The following CDKAL1 variants were observed in gnomAD, a reference collection of about 807,000 sequenced individuals.
CDKAL1 encodes the protein threonylcarbamoyladenosine tRNA methylthiotransferase.
Under a neutral mutation model 68.2 loss-of-function variants are expected in CDKAL1, and 32 were observed. The observed-to-expected ratio is 0.47, with a 90% CI of 0.35 to 0.63. The LOEUF (loss-of-function observed/expected upper bound fraction) is 0.63, where lower values mean the gene tolerates loss of function less well. CDKAL1 is among the 30% of genes least tolerant of loss of function. The pLI is 0.00. For missense variants in CDKAL1, 606 were observed against 696.7 expected, an observed-to-expected ratio of 0.87 and a Z score of 1.47; for synonymous variants, 234 against 244.3, an observed-to-expected ratio of 0.96 and a Z score of 0.39.
intron 11 of CDKAL1, among the ~76,000 whole-genome samples, chr6:21,028,349 C>T (rs756620124): frequency 2.6e-4 from 39 of 152,152 alleles, no homozygotes; most frequent in Admixed American, 6.6e-5. Context: ...AGTCTGCTCA[C>T]GCTACCATAA....
rs532726484 is a variant in CDKAL1 at position 20,962,687 on chromosome 6, A to G, written c.909+7102A>G. On this transcript the variant is annotated intron_variant, in intron 10 of 15. Coordinates refer to ENST00000274695, the MANE Select transcript of CDKAL1 (RefSeq NM_017774.3). ...AACATTTCTTTTCCTTAGGGTTTAT[A>G]CTTTCTGGAATAATAGAATAATATG... is the stretch of plus-strand genomic sequence containing the variant. Among the ~76,000 whole-genome samples the G allele has an allele frequency of 1.1e-4, 16 of 152,254 alleles. No individual in the cohort carries two copies. The South Asian group carries it at 3.3e-3, about 32-fold the overall frequency.
intron 8 of CDKAL1, among the ~76,000 whole-genome samples, chr6:20,793,252 A>G (rs1775972296): frequency 6.6e-6 from 1 of 152,110 alleles, no homozygotes; most frequent in African/African-American, 2.4e-5. Context: ...TCTCATTCTT[A>G]TTTCTACTAT....
At chr6:20,895,044 T>G (rs1234857504) in intron 9 of CDKAL1, among the ~76,000 whole-genome samples, 3 of 152,240 alleles carry the variant, frequency 2.0e-5, no homozygotes, top group African/African-American at 7.2e-5. Context: ...AAGTAACTGC[T>G]GCCGTGAATC....
At chr6:20,722,144 T>G (rs1194381118) in intron 5 of CDKAL1, among the ~76,000 whole-genome samples, 4 of 152,174 alleles carry the variant, frequency 2.6e-5, no homozygotes, top group African/African-American at 9.7e-5. Flanking sequence ...GGACTCAAAT[T>G]ATCATTTTTC....
intron 4 of CDKAL1, among the ~76,000 whole-genome samples, chr6:20,566,241 C>T (rs1000583187): frequency 6.6e-6 from 1 of 152,126 alleles, no homozygotes; most frequent in African/African-American, 2.4e-5. Flanking sequence ...CAGATTTTGC[C>T]TGGTTCCTTT....
At chr6:21,097,311 A>G (rs1773365416) in intron 12 of CDKAL1, among the ~76,000 whole-genome samples, 1 of 152,170 alleles carries the variant, frequency 6.6e-6, no homozygotes, top group Non-Finnish European at 1.5e-5. Flanking sequence ...CTCTACTAAA[A>G]ATACAAAAAT....
intron 9 of CDKAL1, among the ~76,000 whole-genome samples, chr6:20,892,878 A>T (rs2150581637): frequency 6.6e-6 from 1 of 152,350 alleles, no homozygotes; most frequent in African/African-American, 2.4e-5. Context: ...TGAATGAATT[A>T]AACTGAGGCA....
intron 5 of CDKAL1, among the ~76,000 whole-genome samples, chr6:20,700,073 C>T (rs1771273190): frequency 1.3e-5 from 2 of 151,318 alleles, no homozygotes; most frequent in Non-Finnish European, 2.9e-5. Context: ...TTTTTTAACA[C>T]CTCATGAGTA....
At chr6:21,131,671 C>T (rs1050523037) in intron 13 of CDKAL1, among the ~76,000 whole-genome samples, 2 of 152,094 alleles carry the variant, frequency 1.3e-5, no homozygotes, top group African/African-American at 4.8e-5. Flanking sequence ...AGAAAAAAAC[C>T]ATAAAGCTAG....
chr6:20,733,023 A>ACTGTAGGCT (rs1773027530), intron 5 of CDKAL1, among the ~76,000 whole-genome samples: 1 of 152,192 alleles, frequency 6.6e-6, no homozygotes, highest in Admixed American at 6.5e-5. Context: ...AACAGGTGGC[A>ACTGTAGGCT]CTGTAGGCTG....
intron 8 of CDKAL1, among the ~76,000 whole-genome samples, chr6:20,804,102 A>G (rs1776472967): frequency 6.6e-6 from 1 of 152,234 alleles, no homozygotes; most frequent in African/African-American, 2.4e-5. Flanking sequence ...CTTTGAATAT[A>G]ACTACACTAT....
chr6:20,643,669 C>T (rs1169051485), intron 4 of CDKAL1, among the ~76,000 whole-genome samples: 1 of 152,086 alleles, frequency 6.6e-6, no homozygotes, highest in Non-Finnish European at 1.5e-5. Context: ...TAAATAAGGC[C>T]TCTGCTGGGT....
chr6:20,593,871 G>A (rs965359920), intron 4 of CDKAL1, among the ~76,000 whole-genome samples: 5 of 152,126 alleles, frequency 3.3e-5, no homozygotes, highest in African/African-American at 9.7e-5. Flanking sequence ...ATTCTGGTAC[G>A]TTGTGTCTTT....
chr6:20,926,905 G>A (rs1763213773), intron 9 of CDKAL1, among the ~76,000 whole-genome samples: 1 of 147,494 alleles, frequency 6.8e-6, no homozygotes, highest in East Asian at 2.0e-4. Context: ...ATATGTTTAT[G>A]TATATTTACA....
At chr6:20,643,497 A>T (rs1306534629) in intron 4 of CDKAL1, among the ~76,000 whole-genome samples, 1 of 152,182 alleles carries the variant, frequency 6.6e-6, no homozygotes, top group African/African-American at 2.4e-5. Context: ...GTTTTTGCAG[A>T]GTTGATGGTG....
At chr6:20,914,504 A>G (rs377148651) in intron 9 of CDKAL1, among the ~76,000 whole-genome samples, 1 of 151,978 alleles carries the variant, frequency 6.6e-6, no homozygotes, top group Non-Finnish European at 1.5e-5. Flanking sequence ...ACCCTAGCTA[A>G]GTGTAGATTT....
chr6:20,866,626 C>T (rs9368246), intron 9 of CDKAL1, among the ~76,000 whole-genome samples: 87,291 of 151,968 alleles, frequency 0.57, 25,977 homozygotes, highest in Non-Finnish European at 0.66. Context: ...TGGATAGAAT[C>T]ATTAGAGTTG....
chr6:20,896,861 C>T (rs572559246), intron 9 of CDKAL1, among the ~76,000 whole-genome samples: 1 of 152,194 alleles, frequency 6.6e-6, no homozygotes, highest in South Asian at 2.1e-4. Context: ...AGAGCTGTGA[C>T]CTTGGAACTC....
intron 8 of CDKAL1, among the ~76,000 whole-genome samples, chr6:20,816,129 CCGCCTT>C (rs1351286363): frequency 6.9e-6 from 1 of 144,390 alleles, no homozygotes; most frequent in African/African-American, 2.6e-5. Flanking sequence ...GTCCCCCCCC[CCGCCTT>C]TTTTTTTTAA....
Sources: allele counts gnomAD v4.1 joint callset (sites outside exome capture counted in the v4.1 genomes callset), GRCh38; gene constraint gnomAD v4.1.1; transcripts MANE v1.5; gene names NCBI Gene and HGNC (gene_info 2026-07-23, HGNC 2026-07-21).